Variants in CNIH3 observed in about 807,000 individuals in gnomAD.
CNIH3 encodes the protein cornichon family AMPA receptor auxiliary protein 3.
CNIH3 carries 14 observed loss-of-function variants against 24.1 expected under a neutral mutation model. That is an observed-to-expected ratio of 0.58 (90% CI 0.38 to 0.91). The LOEUF (loss-of-function observed/expected upper bound fraction) is 0.91. Among genes scored for constraint, CNIH3 ranks in the 40% least tolerant of loss-of-function variants. CNIH3 has a pLI of 0.00. For missense variants in CNIH3, 178 were observed against 196.8 expected, an observed-to-expected ratio of 0.90 and a Z score of 0.57; for synonymous variants, 68 against 73.8, an observed-to-expected ratio of 0.92 and a Z score of 0.40.
At chr1:224,637,682 T>G (rs1684162638) in intron 1 of CNIH3, among the ~76,000 whole-genome samples, 1 of 152,148 alleles carries the variant, frequency 6.6e-6, no homozygotes, top group Non-Finnish European at 1.5e-5. Context: ...ATGGCTGGCT[T>G]ATTACCAAGT....
At chr1:224,486,681 G>C (rs1458088860) in intron 1 of CNIH3, among the ~76,000 whole-genome samples, 1 of 152,092 alleles carries the variant, frequency 6.6e-6, no homozygotes, top group Non-Finnish European at 1.5e-5. Context: ...ATAGAATCCT[G>C]GCATCACACC....
At chr1:224,447,173 C>T (rs925781154) in intron 1 of CNIH3, among the ~76,000 whole-genome samples, 1 of 152,024 alleles carries the variant, frequency 6.6e-6, no homozygotes, top group Non-Finnish European at 1.5e-5. Context: ...CATCTGCAAG[C>T]GGGAGCCCCT....
intron 1 of CNIH3, among the ~76,000 whole-genome samples, chr1:224,657,740 A>G (rs1183138855): frequency 1.3e-5 from 2 of 152,144 alleles, no homozygotes; most frequent in Non-Finnish European, 2.9e-5. Context: ...ATCTGCATTT[A>G]AGAGTCCTTT....
chr1:224,734,533 C>A (rs751968954), intron 4 of CNIH3, 30 bp from the exon 5 acceptor site: 1 of 1,610,932 alleles, frequency 6.2e-7, no homozygotes, highest in East Asian at 2.2e-5. Flanking sequence ...ACCAGGACCT[C>A]AGAGACAATG....
chr1:224,523,548 G>A (rs1481241787), intron 2 of CNIH3, among the ~76,000 whole-genome samples: 1 of 152,142 alleles, frequency 6.6e-6, no homozygotes, highest in African/African-American at 2.4e-5. Flanking sequence ...ACAGGGGAAA[G>A]GGTTGGTGAT....
At chr1:224,451,934 A>C (rs895181159) in intron 1 of CNIH3, among the ~76,000 whole-genome samples, 7 of 152,158 alleles carry the variant, frequency 4.6e-5, no homozygotes, top group Admixed American at 1.3e-4. Flanking sequence ...CTTCTGAAAA[A>C]CAGATGGTTG....
intron 1 of CNIH3, among the ~76,000 whole-genome samples, chr1:224,440,630 A>G (rs1230548087): frequency 1.3e-5 from 2 of 152,252 alleles, no homozygotes; most frequent in African/African-American, 2.4e-5. Flanking sequence ...AACAGTGTGC[A>G]TAATATGATG....
chr1:224,591,781 T>A (rs12145617), downstream of CNIH3, among the ~76,000 whole-genome samples: 16,924 of 152,160 alleles, frequency 0.11, 1,053 homozygotes, highest in South Asian at 0.25. Context: ...GATTTGGGCA[T>A]GACTGCTAGC....
intron 3 of CNIH3, among the ~76,000 whole-genome samples, chr1:224,561,997 G>A (rs1680393192): frequency 6.6e-6 from 1 of 152,028 alleles, no homozygotes; most frequent in Non-Finnish European, 1.5e-5. Flanking sequence ...CAAGGGAGGG[G>A]GTGGAGTTGA....
At chr1:224,563,460 G>GGTGTGTGTGTGTGT (rs55836837) in intron 3 of CNIH3, among the ~76,000 whole-genome samples, 1 of 146,366 alleles carries the variant, frequency 6.8e-6, no homozygotes, top group Admixed American at 6.9e-5. Flanking sequence ...TTTTAGACGG[G>GGTGTGTGTGTGTGT]GTGTGTGTGT....
At chr1:224,467,732 A>G (rs2102992339) in intron 1 of CNIH3, among the ~76,000 whole-genome samples, 1 of 151,784 alleles carries the variant, frequency 6.6e-6, no homozygotes, top group Non-Finnish European at 1.5e-5. Context: ...CTGGGATCAT[A>G]GTTTTGATAT....
intron 1 of CNIH3, among the ~76,000 whole-genome samples, chr1:224,621,793 A>T (rs1170741637): frequency 6.6e-6 from 1 of 152,220 alleles, no homozygotes; most frequent in East Asian, 1.9e-4. Flanking sequence ...TCCAGTTGAC[A>T]TAGTGATATG....
At chr1:224,540,771 A>G (rs1679482604), downstream of CNIH3, among the ~76,000 whole-genome samples, 1 of 152,022 alleles carries the variant, frequency 6.6e-6, no homozygotes, top group East Asian at 1.9e-4. Context: ...AGTCACATGC[A>G]TTAAACTTGC....
intron 1 of CNIH3, among the ~76,000 whole-genome samples, chr1:224,647,032 G>A (rs948178379): frequency 7.2e-5 from 11 of 152,144 alleles, no homozygotes; most frequent in Non-Finnish European, 4.4e-5. Flanking sequence ...TGTCATGCAA[G>A]CCAGGGCGCA....
Position 224,739,318 on chromosome 1 carries a change from T to TCC in CNIH3, c.456-11_456-10insCC. 6.5e-7 allele frequency: 1 copy of TCC among 1,539,820 alleles called. No individual in the cohort carries two copies. The highest frequency in any genetic ancestry group is 2.0e-5 in the Admixed American group (1 of 50,070). The stretch of plus-strand genomic sequence containing the variant: ...CTCTTTTTTTTTTTTTTTTTTTTTT[T>TCC]TTGCATTCAGCATGATCTACACTTT... On this transcript the variant is annotated splice_polypyrimidine_tract_variant and intron_variant, in intron 5 of 5. Transcript: ENST00000272133.
intron 3 of CNIH3, among the ~76,000 whole-genome samples, chr1:224,602,335 A>G (rs921595920): frequency 1.3e-5 from 2 of 152,240 alleles, no homozygotes; most frequent in African/African-American, 4.8e-5. Flanking sequence ...TACATGCTGT[A>G]TAGCAACATT....
intron 1 of CNIH3, among the ~76,000 whole-genome samples, chr1:224,503,340 C>T (rs1285560699): frequency 6.6e-6 from 1 of 152,150 alleles, no homozygotes; most frequent in Non-Finnish European, 1.5e-5. Context: ...CCTAATTCCT[C>T]TCTGTCTTTT....
chr1:224,601,757 T>C (rs1010709042), intron 3 of CNIH3, among the ~76,000 whole-genome samples: 1 of 152,220 alleles, frequency 6.6e-6, no homozygotes, highest in Non-Finnish European at 1.5e-5. Flanking sequence ...TTGAGCTTTG[T>C]AATGGCAGTG....
downstream of CNIH3, among the ~76,000 whole-genome samples, chr1:224,539,346 T>C (rs1364169005): frequency 6.6e-6 from 1 of 152,222 alleles, no homozygotes; most frequent in South Asian, 2.1e-4. Context: ...CTTTCTTCCT[T>C]TGAACTTTCT....
Sources: allele counts gnomAD v4.1 joint callset (sites outside exome capture counted in the v4.1 genomes callset), GRCh38; gene constraint gnomAD v4.1.1; transcripts MANE v1.5; gene names NCBI Gene and HGNC (gene_info 2026-07-23, HGNC 2026-07-21).